The following ARK2N variants were observed in gnomAD, a reference collection of about 807,000 sequenced individuals.
ARK2N encodes the protein protein ARK2N.
chr18:46,263,721 A>T, the ARK2N span: 5 of 152,754 alleles, frequency 3.3e-5, no homozygotes, highest in Non-Finnish European at 5.9e-5. Context: ...CACAGCACAG[A>T]TAATTGACAT....
At chr18:46,181,979 A>AT in the ARK2N span, among the ~76,000 whole-genome samples, 3 of 152,146 alleles carry the variant, frequency 2.0e-5, no homozygotes, top group Non-Finnish European at 4.4e-5. Flanking sequence ...AGTAGAAGTT[A>AT]TTTTTTTACT....
At chr18:46,262,277 C>T in the ARK2N span, among the ~76,000 whole-genome samples, 6 of 152,168 alleles carry the variant, frequency 3.9e-5, no homozygotes, top group Non-Finnish European at 7.3e-5. Flanking sequence ...TCTCTCCCTC[C>T]GATAGAACCC....
chr18:46,184,056 T>A, the ARK2N span, among the ~76,000 whole-genome samples: 2 of 152,050 alleles, frequency 1.3e-5, no homozygotes, highest in African/African-American at 4.8e-5. Context: ...AGTGGCATGA[T>A]CTCAGCTACT....
At chr18:46,184,565 T>G in the ARK2N span, among the ~76,000 whole-genome samples, 2 of 152,160 alleles carry the variant, frequency 1.3e-5, no homozygotes, top group Admixed American at 1.3e-4. Context: ...CTCCTAAAAA[T>G]ACAAAAATTA....
chr18:46,236,224 G>A, the ARK2N span, among the ~76,000 whole-genome samples: 1 of 152,100 alleles, frequency 6.6e-6, no homozygotes, highest in African/African-American at 2.4e-5. Flanking sequence ...TGTTGCCCAG[G>A]CTAGTCTCGA....
chr18:46,212,482 C>A, the ARK2N span, among the ~76,000 whole-genome samples: 6 of 151,972 alleles, frequency 3.9e-5, no homozygotes, highest in Non-Finnish European at 8.8e-5. Context: ...ATTAAAATTG[C>A]GTGAGAACTG....
the ARK2N span, among the ~76,000 whole-genome samples, chr18:46,206,714 G>A: frequency 2.0e-5 from 3 of 151,922 alleles, no homozygotes; most frequent in East Asian, 1.9e-4. Context: ...TTATCTTACC[G>A]TATGTTAGTA....
At chr18:46,231,903 T>G in the ARK2N span, 1 of 152,060 alleles carries the variant, frequency 6.6e-6, no homozygotes, top group African/African-American at 2.4e-5. Flanking sequence ...TATAGGCGCC[T>G]GCCACCATGC....
chr18:46,243,296 G>C, the ARK2N span, among the ~76,000 whole-genome samples: 2 of 152,128 alleles, frequency 1.3e-5, no homozygotes, highest in Non-Finnish European at 2.9e-5. Context: ...CATTCTTATG[G>C]TGTGAGTGTA....
chr18:46,185,308 C>G, the ARK2N span, among the ~76,000 whole-genome samples: 1 of 152,152 alleles, frequency 6.6e-6, no homozygotes, highest in African/African-American at 2.4e-5. Context: ...TTTCAGTTGT[C>G]TTTCTCATAG....
chr18:46,258,854 A>G, the ARK2N span, among the ~76,000 whole-genome samples: 1 of 152,180 alleles, frequency 6.6e-6, no homozygotes, highest in Admixed American at 6.5e-5. Context: ...CATCCATTAT[A>G]GGACCACTCC....
At chr18:46,186,692 TAG>T in the ARK2N span, among the ~76,000 whole-genome samples, 2 of 151,830 alleles carry the variant, frequency 1.3e-5, no homozygotes, top group African/African-American at 4.8e-5. Context: ...GTACTTTTAG[TAG>T]AGAGGGGGTT....
chr18:46,248,946 T>G, the ARK2N span, among the ~76,000 whole-genome samples: 1,757 of 152,204 alleles, frequency 0.012, 31 homozygotes, highest in African/African-American at 0.04. Context: ...CAATCCCCCA[T>G]CCCTTTATCA....
the ARK2N span, among the ~76,000 whole-genome samples, chr18:46,242,635 T>C: frequency 6.6e-6 from 1 of 152,078 alleles, no homozygotes; most frequent in Non-Finnish European, 1.5e-5. Context: ...TATTCCTGTG[T>C]ATTTCTTTAT....
chr18:46,209,496 T>G, the ARK2N span, among the ~76,000 whole-genome samples: 1 of 152,226 alleles, frequency 6.6e-6, no homozygotes. Flanking sequence ...GGTTTAACTC[T>G]TTGAGCTGTA....
At chr18:46,214,261 A>G in the ARK2N span, among the ~76,000 whole-genome samples, 1 of 152,300 alleles carries the variant, frequency 6.6e-6, no homozygotes, top group African/African-American at 2.4e-5. Flanking sequence ...ATGGAGTGAG[A>G]TGATGGAGAT....
the ARK2N span, chr18:46,253,585 G>A: frequency 7.5e-7 from 1 of 1,336,672 alleles, no homozygotes. Flanking sequence ...CTCACAGGGT[G>A]ATTCTGTTTC....
the ARK2N span, among the ~76,000 whole-genome samples, chr18:46,189,160 A>T: frequency 1.4e-5 from 2 of 146,400 alleles, no homozygotes; most frequent in African/African-American, 5.1e-5. Context: ...GATTGCCGTG[A>T]GCCAAGATTA....
At chr18:46,191,397 T>G in the ARK2N span, among the ~76,000 whole-genome samples, 1 of 151,946 alleles carries the variant, frequency 6.6e-6, no homozygotes, top group Non-Finnish European at 1.5e-5. Context: ...CTTCATCTTG[T>G]GTTGCCCAGG....
Sources: gnomAD v4.1 joint callset for allele counts (sites outside exome capture counted in the v4.1 genomes callset) on GRCh38, gnomAD v4.1.1 for gene constraint, MANE v1.5 for transcripts, NCBI Gene and HGNC (gene_info 2026-07-23, HGNC 2026-07-21) for gene names.